The following HECW1 variants were observed in gnomAD, a reference collection of about 807,000 sequenced individuals.
HECW1 encodes the protein HECT, C2 and WW domain containing E3 ubiquitin protein ligase 1.
HECW1 carries 61 observed loss-of-function variants against 182.3 expected under a neutral mutation model. The observed-to-expected ratio is 0.33, with a 90% CI of 0.27 to 0.41. The LOEUF is 0.41. Among genes scored for constraint, HECW1 ranks in the 10% least tolerant of loss-of-function variants. The pLI, the probability that HECW1 is intolerant of heterozygous loss-of-function variation, is 1.00. For synonymous variants in HECW1, 859 were observed against 832.6 expected (o/e 1.03, Z -0.55); for missense variants, 1,739 against 2,108.9 (o/e 0.82, Z 3.44).
At chr7:43,534,528 C>T (rs2081107407) in intron 24 of HECW1, among the ~76,000 whole-genome samples, 1 of 152,222 alleles carries the variant, frequency 6.6e-6, no homozygotes, top group Non-Finnish European at 1.5e-5. Context: ...AAATTCTCCT[C>T]TGCAGTTTGT....
At position 43,226,909 on chromosome 7, in the gene HECW1, T is replaced by C. The variant is rs184570387; in HGVS notation, c.-31-16966T>C. On this transcript the variant is annotated intron_variant, in intron 2 of 29. Coordinates refer to ENST00000395891, the MANE Select transcript of HECW1 (RefSeq NM_015052.5). ...GCTCCAGAACACAGGATGGGGGCCATCTCCAGCCGTCCAAAATCTACGCAC... is the reference window on the plus strand; with the variant it reads ...GCTCCAGAACACAGGATGGGGGCCACCTCCAGCCGTCCAAAATCTACGCAC... 3.5e-3 allele frequency among the ~76,000 whole-genome samples: 536 copies of C among 152,298 alleles called. 13 individuals are homozygous for C. Among genetic ancestry groups the C allele is most frequent in the Admixed American group, 0.027 (420 of 15,296 alleles).
intron 9 of HECW1, chr7:43,440,704 T>C (rs1035738690): frequency 2.0e-5 from 3 of 152,228 alleles, no homozygotes; most frequent in African/African-American, 7.2e-5. Flanking sequence ...AAGTTTTGGG[T>C]TCGGGATGTC....
At chr7:43,175,037 C>T (rs1005557978) in intron 2 of HECW1, among the ~76,000 whole-genome samples, 4 of 152,208 alleles carry the variant, frequency 2.6e-5, no homozygotes, top group African/African-American at 4.8e-5. Context: ...CCTATGGGCT[C>T]CCCAATCCCA....
chr7:43,202,140 G>A (rs557051706), intron 2 of HECW1, among the ~76,000 whole-genome samples: 1 of 152,334 alleles, frequency 6.6e-6, no homozygotes, highest in African/African-American at 2.4e-5. Context: ...TGAAAGCCAA[G>A]GGCTACAGAG....
chr7:43,564,193 A>G lies in HECW1; in HGVS notation c.*2267A>G. ...ATAACCTTATTCTAACTCTTGCAAC[A>G]ACATCTCTAATATAGGGGCATCTTT... On this transcript the variant is annotated 3_prime_UTR_variant, in exon 30 of 30. Coordinates refer to ENST00000395891, the MANE Select transcript of HECW1 (RefSeq NM_015052.5). 5.2e-6 allele frequency: 1 copy of G among 190,956 alleles called. No homozygotes were observed. Among genetic ancestry groups the G allele is most frequent in the Non-Finnish European group, 1.1e-5 (1 of 90,922 alleles). The allele number at this position is 190,956 out of a possible 1,614,324, so 11.8% of individuals were successfully genotyped here. A position where few individuals can be genotyped will look rare whatever the true frequency, so the allele number is the denominator to read the frequency against.
intron 5 of HECW1, among the ~76,000 whole-genome samples, chr7:43,340,206 C>A (rs183909089): frequency 7.0e-6 from 1 of 142,896 alleles, no homozygotes; most frequent in African/African-American, 2.6e-5. Flanking sequence ...GAAGAAGTCT[C>A]TAATTCCCAC....
At chr7:43,340,009 T>C (rs1812756372) in intron 5 of HECW1, among the ~76,000 whole-genome samples, 1 of 151,966 alleles carries the variant, frequency 6.6e-6, no homozygotes, top group African/African-American at 2.4e-5. Context: ...GCTGTAACTC[T>C]CGCCCCATCT....
intron 8 of HECW1, 33 bp from the exon 9 acceptor site, chr7:43,437,970 A>G (rs1400664071): frequency 6.2e-7 from 1 of 1,610,312 alleles, no homozygotes; most frequent in East Asian, 2.2e-5. Context: ...CCAACCTCTC[A>G]GTTAATTGAT....
intron 5 of HECW1, among the ~76,000 whole-genome samples, chr7:43,356,899 C>T (rs1584606740): frequency 6.6e-6 from 1 of 152,082 alleles, no homozygotes; most frequent in Non-Finnish European, 1.5e-5. Context: ...GAGCAAAAAA[C>T]AATCTGATTT....
intron 24 of HECW1, among the ~76,000 whole-genome samples, chr7:43,521,129 C>T (rs1332817305): frequency 1.3e-5 from 2 of 152,194 alleles, no homozygotes; most frequent in Non-Finnish European, 2.9e-5. Context: ...TGTGGTTTGA[C>T]GGATGCGTCT....
At chr7:43,349,057 G>A (rs111228643) in intron 5 of HECW1, among the ~76,000 whole-genome samples, 1,947 of 151,534 alleles carry the variant, frequency 0.013, 34 homozygotes, top group African/African-American at 0.042. Flanking sequence ...TTTTTGAGAC[G>A]GAATTTTGCT....
chr7:43,129,281 TCACCC>T (rs1304885349), intron 2 of HECW1, among the ~76,000 whole-genome samples: 2 of 152,146 alleles, frequency 1.3e-5, no homozygotes, highest in Admixed American at 1.3e-4. Context: ...ATTACCACGG[TCACCC>T]AACCTTCAGT....
At chr7:43,182,324 T>C (rs977180799) in intron 2 of HECW1, among the ~76,000 whole-genome samples, 5 of 152,246 alleles carry the variant, frequency 3.3e-5, no homozygotes, top group Non-Finnish European at 5.9e-5. Context: ...TGAGTTGATT[T>C]TGGTATATGG....
intron 17 of HECW1, among the ~76,000 whole-genome samples, chr7:43,486,009 G>GCCCCCAA (rs1442601421): frequency 6.6e-6 from 1 of 150,720 alleles, no homozygotes; most frequent in East Asian, 1.9e-4. Context: ...TCCTCCCCCA[G>GCCCCCAA]CCCCCAACCC....
At chr7:43,458,384 T>C (rs1237031642) in intron 13 of HECW1, among the ~76,000 whole-genome samples, 1 of 152,224 alleles carries the variant, frequency 6.6e-6, no homozygotes, top group African/African-American at 2.4e-5. Flanking sequence ...CGGGGTGATC[T>C]GCTTGCATAA....
intron 5 of HECW1, among the ~76,000 whole-genome samples, chr7:43,351,377 G>A (rs113539734): frequency 9.2e-5 from 14 of 152,178 alleles, no homozygotes; most frequent in Non-Finnish European, 1.5e-4. Flanking sequence ...AGAGAGTTTC[G>A]GCTGTAGTAG....
intron 6 of HECW1, among the ~76,000 whole-genome samples, chr7:43,368,389 C>G (rs1024358437): frequency 6.6e-6 from 1 of 152,156 alleles, no homozygotes; most frequent in African/African-American, 2.4e-5. Context: ...CAAATTTAAC[C>G]CAGAATATAG....
chr7:43,262,746 A>G (rs1398190971), intron 3 of HECW1, among the ~76,000 whole-genome samples: 1 of 152,202 alleles, frequency 6.6e-6, no homozygotes, highest in East Asian at 1.9e-4. Flanking sequence ...CTGAATAGCT[A>G]CTATAAATAG....
intron 24 of HECW1, among the ~76,000 whole-genome samples, chr7:43,540,912 G>T (rs150675602): frequency 1.3e-5 from 2 of 152,196 alleles, no homozygotes; most frequent in Non-Finnish European, 2.9e-5. Context: ...TCTGAAAAAG[G>T]TTCTGGAAAA....
Sources: allele counts gnomAD v4.1 joint callset (sites outside exome capture counted in the v4.1 genomes callset), GRCh38; gene constraint gnomAD v4.1.1; transcripts MANE v1.5; gene names NCBI Gene and HGNC (gene_info 2026-07-23, HGNC 2026-07-21).